Variants in ALK observed in about 807,000 individuals in gnomAD.
ALK encodes the protein ALK tyrosine kinase receptor.
A neutral mutation model predicts 163.1 loss-of-function variants in ALK; 74 were observed. The observed-to-expected ratio is 0.45, with a 90% CI of 0.38 to 0.55. The LOEUF (loss-of-function observed/expected upper bound fraction) is 0.55, where lower values mean the gene tolerates loss of function less well. ALK is among the 20% of genes least tolerant of loss of function. ALK has a pLI of 0.00. For missense variants in ALK, 2,063 were observed against 2,105.3 expected, an observed-to-expected ratio of 0.98 and a Z score of 0.39; for synonymous variants, 960 against 843.2, an observed-to-expected ratio of 1.14 and a Z score of -2.40.
At chr2:29,904,432 G>A (rs554573968) in intron 1 of ALK, among the ~76,000 whole-genome samples, 1 of 152,136 alleles carries the variant, frequency 6.6e-6, no homozygotes, top group South Asian at 2.1e-4. Flanking sequence ...CTCTAACTGT[G>A]AGAATAGTTA....
chr2:29,321,260 C>A (rs1481520483), intron 6 of ALK, among the ~76,000 whole-genome samples: 1 of 152,186 alleles, frequency 6.6e-6, no homozygotes, highest in East Asian at 1.9e-4. Context: ...CTTCTAAATT[C>A]TGCACTCTTT....
chr2:29,805,290 T>A (rs779234393), intron 1 of ALK, among the ~76,000 whole-genome samples: 8 of 152,228 alleles, frequency 5.3e-5, no homozygotes, highest in Non-Finnish European at 4.4e-5. Context: ...GGAGCACTAT[T>A]TTAAAAAATA....
intron 2 of ALK, 115 bp from the exon 3 acceptor site, chr2:29,695,129 C>CAGGG: frequency 8.4e-7 from 1 of 1,189,260 alleles, no homozygotes; most frequent in Non-Finnish European, 1.2e-6. Flanking sequence ...TTTGCCCTGT[C>CAGGG]CAAGGGAGAT....
intron 1 of ALK, among the ~76,000 whole-genome samples, chr2:29,900,144 T>G (rs1044411790): frequency 6.6e-6 from 1 of 152,256 alleles, no homozygotes; most frequent in Admixed American, 6.5e-5. Context: ...CCCAGATGAA[T>G]GGGCTTTGGA....
At chr2:29,542,259 C>A (rs377431539) in intron 3 of ALK, among the ~76,000 whole-genome samples, 108 of 151,544 alleles carry the variant, frequency 7.1e-4, no homozygotes, top group African/African-American at 2.5e-3. Context: ...TGATTTTTTT[C>A]TATTTATTTT....
At position 29,716,994 on chromosome 2, in the gene ALK, TCCAAAAAAAAAAA is replaced by T. The variant is rs751627226; in HGVS notation, c.787+571_787+583del. On this transcript the variant is annotated intron_variant, in intron 2 of 28. Coordinates refer to ENST00000389048, the MANE Select transcript of ALK (RefSeq NM_004304.5). ...AGTCAAACCCCGTGTCTACCAAAAA[TCCAAAAAAAAAAA>T]AAAAAAAAAAAAAAATTAGCCAGGC... Among the ~76,000 whole-genome samples the T allele has an allele frequency of 4.1e-5, 4 of 98,588 alleles. No homozygotes were observed. In the South Asian group the frequency reaches 1.4e-3, roughly 36 times the overall value. 64.7% of individuals were successfully genotyped at this position (98,588 alleles called of 152,430 possible).
chr2:29,825,559 G>A (rs1405335726), intron 1 of ALK, among the ~76,000 whole-genome samples: 1 of 152,232 alleles, frequency 6.6e-6, no homozygotes, highest in Non-Finnish European at 1.5e-5. Context: ...ACTGGCAGGT[G>A]AAGCTGGAGA....
intron 3 of ALK, among the ~76,000 whole-genome samples, chr2:29,569,121 CACTG>C (rs1179757658): frequency 6.6e-6 from 1 of 152,122 alleles, no homozygotes; most frequent in Non-Finnish European, 1.5e-5. Context: ...GCCCTCTGGG[CACTG>C]ACTGTTAACT....
At position 29,275,446 on chromosome 2, in the gene ALK, A is replaced by G; in HGVS notation, c.1868T>C (p.Val623Ala). The change falls in exon 10 of 29, where the codon GTG becomes GCG. Residue 623 changes from valine (V) to alanine (A), a missense_variant. By Grantham distance (64) the Val-to-Ala change is moderately conservative. Transcript: ENST00000389048. ...AWWGQGSRAI[V>A]AFDNISISLD... The stretch of plus-strand genomic sequence containing the variant: ...GCTGATGGAGATATTGTCAAAAGCC[A>G]CGATGGCTCTGGATCCTTGTCCCCA... The G allele has an allele frequency of 1.2e-6, 2 of 1,614,170 alleles. No individual in the cohort carries two copies. The highest frequency in any genetic ancestry group is 1.7e-6 in the Non-Finnish European group (2 of 1,180,022).
chr2:29,504,899 T>A (rs1672275121), intron 4 of ALK, among the ~76,000 whole-genome samples: 2 of 152,166 alleles, frequency 1.3e-5, no homozygotes, highest in South Asian at 4.1e-4. Context: ...AGAAGGCCAC[T>A]TTGACGGCTG....
chr2:29,647,219 G>T (rs1676902031), intron 3 of ALK, among the ~76,000 whole-genome samples: 1 of 152,146 alleles, frequency 6.6e-6, no homozygotes, highest in Admixed American at 6.5e-5. Context: ...CTGTATTGTG[G>T]CATGTAAGGC....
chr2:29,711,877 G>C (rs1679114695), intron 2 of ALK, among the ~76,000 whole-genome samples: 1 of 152,150 alleles, frequency 6.6e-6, no homozygotes, highest in Non-Finnish European at 1.5e-5. Flanking sequence ...TTTGTGAAAA[G>C]TGTTTTGAAT....
intron 15 of ALK, among the ~76,000 whole-genome samples, chr2:29,229,535 A>G (rs1343919570): frequency 6.6e-6 from 1 of 152,206 alleles, no homozygotes; most frequent in Non-Finnish European, 1.5e-5. Context: ...ACCTTGCACT[A>G]AAGTTCCTTG....
chr2:29,855,751 A>G (rs766746832), intron 1 of ALK, among the ~76,000 whole-genome samples: 35 of 152,240 alleles, frequency 2.3e-4, no homozygotes, highest in Non-Finnish European at 4.1e-4. Context: ...TTTTGTCTCC[A>G]TAAGCCCATG....
chr2:29,696,014 A>AGCAATCC (rs1558446723), intron 2 of ALK, among the ~76,000 whole-genome samples: 18 of 152,176 alleles, frequency 1.2e-4, no homozygotes, highest in African/African-American at 3.9e-4. Flanking sequence ...CCCAGCAATC[A>AGCAATCC]CCAGCAATCC....
chr2:29,765,910 G>A (rs1207293415), intron 1 of ALK, among the ~76,000 whole-genome samples: 1 of 152,174 alleles, frequency 6.6e-6, no homozygotes, highest in East Asian at 1.9e-4. Flanking sequence ...GACTTGGAAA[G>A]AGATGCTAGC....
intron 4 of ALK, among the ~76,000 whole-genome samples, chr2:29,385,598 C>T (rs1249969032): frequency 6.6e-6 from 1 of 152,050 alleles, no homozygotes; most frequent in Non-Finnish European, 1.5e-5. Flanking sequence ...ACTGTCTTAC[C>T]CAGGCTGGTC....
At chr2:29,443,651 G>A (rs1456472739) in intron 4 of ALK, among the ~76,000 whole-genome samples, 1 of 152,192 alleles carries the variant, frequency 6.6e-6, no homozygotes, top group African/African-American at 2.4e-5. Context: ...CCTCAGGATG[G>A]TTGGAAAGGG....
At chr2:29,906,963 T>G (rs1046153315) in intron 1 of ALK, among the ~76,000 whole-genome samples, 1 of 139,240 alleles carries the variant, frequency 7.2e-6, no homozygotes, top group Non-Finnish European at 1.5e-5. Context: ...TTTTTTTTTT[T>G]TTTTGAGACA....
Sources: allele counts gnomAD v4.1 joint callset (sites outside exome capture counted in the v4.1 genomes callset), GRCh38; gene constraint gnomAD v4.1.1; transcripts MANE v1.5; gene names NCBI Gene and HGNC (gene_info 2026-07-23, HGNC 2026-07-21).